The following RORA variants were observed in gnomAD, a reference collection of about 807,000 sequenced individuals.
RORA encodes nuclear receptor ROR-alpha.
Under a neutral mutation model 69.5 loss-of-function variants are expected in RORA, and 7 were observed. The ratio of observed to expected loss-of-function variants is 0.10; its 90% CI spans 0.06 to 0.19. RORA has a LOEUF of 0.19. Ranked by LOEUF, RORA falls within the 10% of genes least tolerant of loss-of-function variation. The pLI is 1.00. For missense variants in RORA, 457 were observed against 663.0 expected, an observed-to-expected ratio of 0.69 and a Z score of 3.41; for synonymous variants, 261 against 240.8, an observed-to-expected ratio of 1.08 and a Z score of -0.78.
At chr15:60,847,077 G>T (rs1264387594) in intron 1 of RORA, among the ~76,000 whole-genome samples, 2 of 152,166 alleles carry the variant, frequency 1.3e-5, no homozygotes, top group East Asian at 3.9e-4. Flanking sequence ...TATACTTCTT[G>T]TCCTAGCAAT....
intron 2 of RORA, among the ~76,000 whole-genome samples, chr15:60,675,020 T>C (rs1185820884): frequency 6.6e-6 from 1 of 152,188 alleles, no homozygotes; most frequent in Non-Finnish European, 1.5e-5. Context: ...GTCTGATATA[T>C]GTCCTCTGAG....
intron 1 of RORA, among the ~76,000 whole-genome samples, chr15:60,966,109 C>A (rs1893548046): frequency 6.6e-6 from 1 of 152,132 alleles, no homozygotes; most frequent in Non-Finnish European, 1.5e-5. Flanking sequence ...AAGCCTTTCT[C>A]CTTGGCCACT....
chr15:61,084,494 G>C (rs1233450232), intron 1 of RORA, among the ~76,000 whole-genome samples: 1 of 152,172 alleles, frequency 6.6e-6, no homozygotes, highest in Admixed American at 6.5e-5. Flanking sequence ...CCTAAATATA[G>C]GAAATAGTTA....
chr15:60,595,588 G>A (rs559322070), intron 2 of RORA, among the ~76,000 whole-genome samples: 36 of 151,330 alleles, frequency 2.4e-4, no homozygotes, highest in African/African-American at 7.3e-4. Flanking sequence ...AGGAATAATC[G>A]TTTGGATTTT....
chr15:60,916,176 T>C (rs540383643), intron 1 of RORA, among the ~76,000 whole-genome samples: 1 of 152,344 alleles, frequency 6.6e-6, no homozygotes, highest in South Asian at 2.1e-4. Flanking sequence ...CCTGTATGTG[T>C]CGTTTGACTG....
chr15:60,833,213 T>C (rs573469927), intron 1 of RORA, among the ~76,000 whole-genome samples: 1 of 147,716 alleles, frequency 6.8e-6, no homozygotes, highest in Non-Finnish European at 1.5e-5. Context: ...GAGTCTTCTT[T>C]TTTTATTTGT....
At chr15:60,922,429 T>C (rs1043310057) in intron 1 of RORA, among the ~76,000 whole-genome samples, 2 of 152,166 alleles carry the variant, frequency 1.3e-5, no homozygotes. Flanking sequence ...GGAAGCTCTT[T>C]GTAATTTCTG....
At chr15:60,570,567 C>T (rs2067850865) in intron 2 of RORA, among the ~76,000 whole-genome samples, 1 of 152,116 alleles carries the variant, frequency 6.6e-6, no homozygotes, top group African/African-American at 2.4e-5. Flanking sequence ...CCATGATGGT[C>T]TTGAACTCCT....
chr15:61,027,020 G>A (rs907158189), intron 1 of RORA, among the ~76,000 whole-genome samples: 14 of 148,730 alleles, frequency 9.4e-5, no homozygotes, highest in Non-Finnish European at 1.8e-4. Context: ...AAAAAAAAAA[G>A]CTGTTGAATT....
At chr15:60,739,975 G>A (rs1376821714) in intron 1 of RORA, among the ~76,000 whole-genome samples, 3 of 152,080 alleles carry the variant, frequency 2.0e-5, no homozygotes, top group Admixed American at 6.6e-5. Flanking sequence ...AGAAAGAGAG[G>A]TTCCATCCAA....
chr15:60,971,171 G>A (rs1044329985), intron 1 of RORA, among the ~76,000 whole-genome samples: 2 of 152,204 alleles, frequency 1.3e-5, no homozygotes, highest in African/African-American at 4.8e-5. Context: ...ATCATGCCAT[G>A]TGTTAGAGGA....
Position 60,897,498 on chromosome 15 carries a change from G to T in RORA, c.167-218812C>A, listed in dbSNP as rs972393680. Among the ~76,000 whole-genome samples the T allele has an allele frequency of 3.3e-5, 5 of 152,202 alleles. No individual in the cohort carries two copies. In the South Asian group the frequency reaches 8.3e-4, roughly 25 times the overall value. On this transcript the variant is annotated intron_variant, in intron 1 of 10. Transcript: ENST00000335670. ...GCATGAACCAATGACCTCAGTAATG[G>T]TTCCAGAGACCAGGACTCCCTATTC...
In RORA at chr15:61,226,611, CACAT is replaced by C. The variant is rs1235657018; in HGVS notation, c.166+2438_166+2441del. ...TCTCTCTTTTTCTCCCTAGCTCACA[CACAT>C]AAAGATTGGTACCCCTGAGGAGCAG... On this transcript the variant is annotated intron_variant, in intron 1 of 10. Coordinates refer to ENST00000335670, the MANE Select transcript of RORA (RefSeq NM_134261.3). This position sits in a 1 kb window ranked among gnomAD's most constrained non-coding sequence, Gnocchi z 4.2. 6.6e-6 allele frequency among the ~76,000 whole-genome samples: 1 copy of C among 152,220 alleles called. No homozygotes were observed. Among genetic ancestry groups the C allele is most frequent in the Admixed American group, 6.5e-5 (1 of 15,288 alleles).
Position 60,496,748 on chromosome 15 carries a change from C to T in RORA, c.*707G>A, listed in dbSNP as rs1371158780. The T allele has an allele frequency of 2.0e-5, 3 of 152,094 alleles. No homozygotes were observed. Among genetic ancestry groups the T allele is most frequent in the Non-Finnish European group, 4.4e-5 (3 of 68,022 alleles). The allele number at this position is 152,094 out of a possible 1,614,324, so 9.4% of individuals were successfully genotyped here. A position where few individuals can be genotyped will look rare whatever the true frequency, so the allele number is the denominator to read the frequency against. On this transcript the variant is annotated 3_prime_UTR_variant, in exon 11 of 11. Transcript: ENST00000335670. The surrounding 1 kb of genome is among the most constrained non-coding windows in gnomAD (Gnocchi z 4.5). ...TTGTGTTTCTGGTGCACATGCGACACGACAGTGAACACGCTAGCATTTAAT... is the reference window on the plus strand; with the variant it reads ...TTGTGTTTCTGGTGCACATGCGACATGACAGTGAACACGCTAGCATTTAAT...
chr15:60,600,120 T>C (rs1201363952), intron 2 of RORA, among the ~76,000 whole-genome samples: 2 of 152,234 alleles, frequency 1.3e-5, no homozygotes, highest in African/African-American at 4.8e-5. Flanking sequence ...ATAGGCCATA[T>C]TTTATTTTTT....
intron 1 of RORA, among the ~76,000 whole-genome samples, chr15:60,856,490 C>CTTTT (rs34150883): frequency 6.1e-5 from 9 of 148,674 alleles, no homozygotes; most frequent in Non-Finnish European, 7.4e-5. Flanking sequence ...AATCACTGAC[C>CTTTT]TTTTTTTTTT....
At chr15:61,227,996 A>G (rs2080163611) in intron 1 of RORA, among the ~76,000 whole-genome samples, 1 of 152,082 alleles carries the variant, frequency 6.6e-6, no homozygotes, top group South Asian at 2.1e-4. Context: ...TCACTTTAGG[A>G]AAGGAGGGAG....
At chr15:60,588,858 T>C (rs188698449) in intron 2 of RORA, among the ~76,000 whole-genome samples, 1 of 152,350 alleles carries the variant, frequency 6.6e-6, no homozygotes, top group African/African-American at 2.4e-5. Context: ...GCTGCTGCTT[T>C]GTATCTCAAG....
intron 1 of RORA, among the ~76,000 whole-genome samples, chr15:61,059,576 T>A (rs2078142095): frequency 6.6e-6 from 1 of 152,166 alleles, no homozygotes; most frequent in Non-Finnish European, 1.5e-5. Context: ...AAATCTGCTT[T>A]GAGATACGTT....
Sources: gnomAD v4.1 joint callset for allele counts (sites outside exome capture counted in the v4.1 genomes callset) on GRCh38, gnomAD v4.1.1 for gene constraint, Gnocchi (gnomAD v3.1) non-coding constraint, MANE v1.5 for transcripts, NCBI Gene and HGNC (gene_info 2026-07-23, HGNC 2026-07-21) for gene names.